Variants in ACSL3 observed in about 807,000 individuals in gnomAD.
ACSL3 encodes fatty acid CoA ligase Acsl3.
ACSL3 carries 34 observed loss-of-function variants against 84.7 expected under a neutral mutation model. That is an observed-to-expected ratio of 0.40 (90% confidence interval 0.31 to 0.53). The LOEUF (loss-of-function observed/expected upper bound fraction) is 0.53. Ranked by LOEUF, ACSL3 falls within the 20% of genes least tolerant of loss-of-function variation. The pLI, the probability that ACSL3 is intolerant of heterozygous loss-of-function variation, is 0.48. For missense variants in ACSL3, 680 were observed against 873.1 expected (o/e 0.78, Z 2.79); for synonymous variants, 315 against 299.4 (o/e 1.05, Z -0.54).
chr2:222,918,105 GA>G lies in ACSL3; in HGVS notation c.617del (p.Glu206GlyfsTer2), dbSNP rs781220003. On this transcript the variant is annotated frameshift_variant, in exon 6 of 17. Transcript: ENST00000357430. LOFTEE classifies it high-confidence loss of function. ...CATTGTTCATGCATTAAATGAAACAGAGGTGACCAACATCATTACTAGTAAA... is the reference window on the plus strand; with the variant it reads ...CATTGTTCATGCATTAAATGAAACAGGGTGACCAACATCATTACTAGTAAA... ...PAIVHALNETEVTNIITSKEL... is the reference protein window; with the variant it reads ...PAIVHALNETXVTNIITSKEL... The G allele has an allele frequency of 6.2e-7, 1 of 1,612,700 alleles. No individual in the cohort carries two copies. The highest frequency in any genetic ancestry group is 8.5e-7 in the Non-Finnish European group (1 of 1,179,204).
At chr2:222,898,784 G>A (rs916980104) in intron 2 of ACSL3, among the ~76,000 whole-genome samples, 11 of 151,952 alleles carry the variant, frequency 7.2e-5, no homozygotes, top group African/African-American at 2.7e-4. Flanking sequence ...CCGAGATTGC[G>A]CCACTGCACT....
intron 15 of ACSL3, 87 bp from the exon 16 acceptor site, chr2:222,934,443 T>G: frequency 8.9e-7 from 1 of 1,121,272 alleles, no homozygotes; most frequent in Non-Finnish European, 1.2e-6. Context: ...AAATGAGGAG[T>G]TATTTACTAC....
At position 222,898,369 on chromosome 2, in the gene ACSL3, A is replaced by G. The variant is rs143964102; in HGVS notation, c.-147-2305A>G. ...AAATGTGGGTAGTGAAGGTCTTACC[A>G]GATATTTAAAGCAGAAGTTCTCAAG... On this transcript the variant is annotated intron_variant, in intron 2 of 16. Transcript: ENST00000357430. 8.3e-4 allele frequency among the ~76,000 whole-genome samples: 127 copies of G among 152,362 alleles called. 1 individual carries two copies. The highest frequency in any genetic ancestry group is 1.5e-3 in the Non-Finnish European group (101 of 68,032).
intron 8 of ACSL3, among the ~76,000 whole-genome samples, 176 bp downstream of exon 8, chr2:222,921,606 G>T (rs1696740880): frequency 6.6e-6 from 1 of 152,122 alleles, no homozygotes; most frequent in Non-Finnish European, 1.5e-5. Flanking sequence ...AGTTATAGTT[G>T]TGAGGTTGAA....
At chr2:222,861,499 C>T (rs1695006105) in intron 1 of ACSL3, 1 of 152,150 alleles carries the variant, frequency 6.6e-6, no homozygotes, top group Non-Finnish European at 1.5e-5. Context: ...GGCCCTGAGC[C>T]CACGCGAGCC....
chr2:222,927,154 T>C lies in ACSL3; in HGVS notation c.1430T>C (p.Leu477Pro), dbSNP rs776364285. 1.2e-6 allele frequency: 2 copies of C among 1,614,040 alleles called. No homozygotes were observed. The highest frequency in any genetic ancestry group is 1.7e-6 in the Non-Finnish European group (2 of 1,179,884). ...TGTCCTGTTGGTCAGGGATACGGGC[T>C]CACTGAATCTGCTGGGGCTGGAACA... is the stretch of plus-strand genomic sequence containing the variant. Reference protein sequence around the residue: ...FCCPVGQGYGLTESAGAGTIS... With the variant: ...FCCPVGQGYGPTESAGAGTIS... Residue 477 changes from leucine to proline, a missense_variant, in exon 12 of 17, where the codon CTC becomes CCC. Coordinates refer to ENST00000357430, the MANE Select transcript of ACSL3 (RefSeq NM_004457.5).
At chr2:222,884,248 C>T (rs1444922912) in intron 1 of ACSL3, among the ~76,000 whole-genome samples, 1 of 152,142 alleles carries the variant, frequency 6.6e-6, no homozygotes, top group Non-Finnish European at 1.5e-5. Context: ...ATGTCATCCC[C>T]CTGCTAATAA....
chr2:222,937,804 A>G (rs566077663), intron 16 of ACSL3, among the ~76,000 whole-genome samples: 55 of 152,284 alleles, frequency 3.6e-4, no homozygotes, highest in African/African-American at 1.2e-3. Flanking sequence ...CATTATTGAT[A>G]TGAAAGACTT....
At chr2:222,930,374 T>A (rs890635639) in intron 13 of ACSL3, among the ~76,000 whole-genome samples, 1 of 152,234 alleles carries the variant, frequency 6.6e-6, no homozygotes, top group Non-Finnish European at 1.5e-5. Context: ...AAATGGAAGA[T>A]GTTGGGTTTT....
At chr2:222,865,302 A>G (rs936231830) in intron 1 of ACSL3, among the ~76,000 whole-genome samples, 2 of 152,240 alleles carry the variant, frequency 1.3e-5, no homozygotes, top group African/African-American at 4.8e-5. Flanking sequence ...TGGATGATTC[A>G]GTAGTTTCAA....
At chr2:222,909,247 G>T in intron 4 of ACSL3, 97 bp downstream of exon 4, 1 of 1,243,128 alleles carries the variant, frequency 8.0e-7, no homozygotes, top group Non-Finnish European at 1.1e-6. Flanking sequence ...ATTAGAATTC[G>T]CTGTTGAAGG....
intron 3 of ACSL3, among the ~76,000 whole-genome samples, chr2:222,906,803 C>T (rs573208966): frequency 1.3e-5 from 2 of 152,106 alleles, no homozygotes; most frequent in South Asian, 2.1e-4. Context: ...TTAGTAGAGA[C>T]GGGGTTTCAC....
At chr2:222,879,313 C>T (rs563027442) in intron 1 of ACSL3, among the ~76,000 whole-genome samples, 1 of 152,132 alleles carries the variant, frequency 6.6e-6, no homozygotes, top group East Asian at 1.9e-4. Context: ...GCGAGACTGT[C>T]TCAAAAAAAT....
chr2:222,905,604 T>C (rs1696272620), intron 3 of ACSL3, among the ~76,000 whole-genome samples: 1 of 152,244 alleles, frequency 6.6e-6, no homozygotes, highest in Admixed American at 6.5e-5. Context: ...AGACCGTTTG[T>C]TTTCATTTTG....
chr2:222,898,571 A>G (rs942332987), intron 2 of ACSL3, among the ~76,000 whole-genome samples: 1 of 152,188 alleles, frequency 6.6e-6, no homozygotes, highest in Non-Finnish European at 1.5e-5. Flanking sequence ...CATTTAAGAA[A>G]CATTGCACTT....
intron 11 of ACSL3, among the ~76,000 whole-genome samples, chr2:222,924,828 C>T (rs565735703): frequency 1.3e-5 from 2 of 151,738 alleles, no homozygotes; most frequent in African/African-American, 4.8e-5. Context: ...TCGAGACCAT[C>T]CTGGCTAACA....
intron 13 of ACSL3, among the ~76,000 whole-genome samples, chr2:222,929,654 T>A (rs1034585855): frequency 2.0e-5 from 3 of 152,112 alleles, no homozygotes; most frequent in African/African-American, 7.2e-5. Context: ...GGTGCGTGCC[T>A]GTAATTCCAG....
chr2:222,870,920 T>C (rs370943314), intron 1 of ACSL3, among the ~76,000 whole-genome samples: 5 of 152,058 alleles, frequency 3.3e-5, no homozygotes, highest in Middle Eastern at 3.2e-3. Flanking sequence ...TGATGTGAAA[T>C]ACGGGTTATA....
chr2:222,862,491 A>G (rs1695039380), intron 1 of ACSL3, among the ~76,000 whole-genome samples: 1 of 150,662 alleles, frequency 6.6e-6, no homozygotes, highest in African/African-American at 2.5e-5. Context: ...TTGTTTCCCC[A>G]AATTAGTTCT....
Sources: gnomAD v4.1 joint callset for allele counts (sites outside exome capture counted in the v4.1 genomes callset) on GRCh38, gnomAD v4.1.1 for gene constraint, MANE v1.5 for transcripts, NCBI Gene and HGNC (gene_info 2026-07-23, HGNC 2026-07-21) for gene names.